CDKAL1: variants seen among roughly 807,000 people sequenced by gnomAD.
The protein encoded by CDKAL1 is CDKAL1 threonylcarbamoyladenosine tRNA methylthiotransferase, also known as threonylcarbamoyladenosine tRNA methylthiotransferase.
Under a neutral mutation model 68.2 loss-of-function variants are expected in CDKAL1, and 32 were observed. The observed-to-expected ratio is 0.47, with a 90% CI of 0.35 to 0.63. CDKAL1 has a LOEUF of 0.63. Ranked by LOEUF, CDKAL1 falls within the 30% of genes least tolerant of loss-of-function variation. The probability of loss-of-function intolerance (pLI) is 0.00; values close to 1 mark genes in which losing one functional copy is unlikely to be tolerated. For synonymous variants in CDKAL1, 234 were observed against 244.3 expected (o/e 0.96, Z 0.39); for missense variants, 606 against 696.7 (o/e 0.87, Z 1.47).
chr6:21,205,540 G>GT lies in CDKAL1; in HGVS notation c.1548+4274dup, dbSNP rs145221533. On this transcript the variant is annotated intron_variant, in intron 15 of 15. Coordinates refer to ENST00000274695, the MANE Select transcript of CDKAL1 (RefSeq NM_017774.3). ...GCATGGGTCAAGCCTGTTTTGTTTT[G>GT]TTTTTTTTGAGACAGAGTCTCGCCC... 3.1e-3 allele frequency among the ~76,000 whole-genome samples: 465 copies of GT among 151,262 alleles called. 4 individuals are homozygous for GT. Among genetic ancestry groups the GT allele is most frequent in the African/African-American group, 0.01 (428 of 41,140 alleles).
intron 4 of CDKAL1, among the ~76,000 whole-genome samples, chr6:20,627,429 C>A (rs2127738645): frequency 1.3e-5 from 2 of 152,216 alleles, no homozygotes; most frequent in East Asian, 3.9e-4. Context: ...AAACAATCTG[C>A]TATACTTATT....
chr6:20,909,360 G>A (rs1365571120), intron 9 of CDKAL1, among the ~76,000 whole-genome samples: 6 of 152,102 alleles, frequency 3.9e-5, no homozygotes, highest in African/African-American at 1.4e-4. Context: ...GGGTCAGACC[G>A]TCCAAAGAAT....
rs1392532470 is a variant in CDKAL1, at chr6:20,539,474, A to G, written c.-6+4080A>G. On this transcript the variant is annotated intron_variant, in intron 2 of 15. Transcript: ENST00000274695. The surrounding 1 kb of genome is among the most constrained non-coding windows in gnomAD (Gnocchi z 4.3). ...GTTTAAAAAAAGGCAGGAAAGGGGC[A>G]TAGGAAGAGGGTGTGTGGTGAGGTG... is the stretch of plus-strand genomic sequence containing the variant. 6.6e-6 allele frequency among the ~76,000 whole-genome samples: 1 copy of G among 152,210 alleles called. No individual in the cohort carries two copies. The highest frequency in any genetic ancestry group is 2.4e-5 in the African/African-American group (1 of 41,464).
At chr6:21,016,672 CTT>C (rs1482687833) in intron 11 of CDKAL1, among the ~76,000 whole-genome samples, 1 of 150,960 alleles carries the variant, frequency 6.6e-6, no homozygotes, top group Non-Finnish European at 1.5e-5. Flanking sequence ...ATCCATCCAT[CTT>C]ACTTCAGTGT....
At chr6:20,900,922 G>C (rs1239149607) in intron 9 of CDKAL1, among the ~76,000 whole-genome samples, 2 of 152,138 alleles carry the variant, frequency 1.3e-5, no homozygotes, top group Non-Finnish European at 2.9e-5. Context: ...TTATCCTTTA[G>C]TTATTGCATA....
chr6:20,750,774 G>T (rs933442524), intron 6 of CDKAL1, among the ~76,000 whole-genome samples: 1 of 151,830 alleles, frequency 6.6e-6, no homozygotes, highest in Admixed American at 6.6e-5. Context: ...GATCAGTCTG[G>T]CCAACATGGT....
chr6:20,617,419 A>T (rs560930417), intron 4 of CDKAL1, among the ~76,000 whole-genome samples: 1 of 151,844 alleles, frequency 6.6e-6, no homozygotes, highest in South Asian at 2.1e-4. Context: ...GCTTAAAACT[A>T]TTTTTTTTTA....
intron 4 of CDKAL1, among the ~76,000 whole-genome samples, chr6:20,552,685 A>G (rs1379651088): frequency 1.3e-5 from 2 of 150,292 alleles, no homozygotes; most frequent in Non-Finnish European, 3.0e-5. Context: ...ATTTGTATTA[A>G]TTTTATAAAC....
chr6:21,070,784 T>C (rs968371937), intron 12 of CDKAL1, among the ~76,000 whole-genome samples: 3 of 152,248 alleles, frequency 2.0e-5, no homozygotes, highest in Non-Finnish European at 4.4e-5. Context: ...ATTTCCTCTT[T>C]ATCTGTTTCC....
In CDKAL1 at chr6:21,197,726, TTTAA is replaced by T. The variant is rs1778529072; in HGVS notation, c.1300-291_1300-288del. Among the ~76,000 whole-genome samples, 3 of 152,238 alleles carry T rather than the reference TTTAA, an allele frequency of 2.0e-5. No individual in the cohort carries two copies. The South Asian group carries it at 6.2e-4, about 31-fold the overall frequency. The stretch of plus-strand genomic sequence containing the variant: ...GAAGATTTTTGTATGTCATAGAAGC[TTTAA>T]TTATCTTACTTATGTTGAAGGAGAT... On this transcript the variant is annotated intron_variant, in intron 13 of 15. Transcript: ENST00000274695.
intron 10 of CDKAL1, among the ~76,000 whole-genome samples, chr6:20,982,151 C>T (rs952127106): frequency 6.6e-6 from 1 of 151,890 alleles, no homozygotes; most frequent in African/African-American, 2.4e-5. Context: ...ATTGCAACCT[C>T]CACCTCCCGG....
At chr6:20,695,907 C>A (rs1771084215) in intron 5 of CDKAL1, among the ~76,000 whole-genome samples, 1 of 152,178 alleles carries the variant, frequency 6.6e-6, no homozygotes, top group South Asian at 2.1e-4. Context: ...CAAACTAAAA[C>A]TCTGTACCCA....
rs1416791948 is a variant in CDKAL1, at chr6:21,070,796, A to C, written c.1236+5568A>C. The stretch of plus-strand genomic sequence containing the variant: ...GATATTTCCTCTTTATCTGTTTCCT[A>C]TTTCCTTGGTATTCGTAACTGTCCC... On this transcript the variant is annotated intron_variant, in intron 12 of 15. Coordinates refer to ENST00000274695, the MANE Select transcript of CDKAL1 (RefSeq NM_017774.3). Among the ~76,000 whole-genome samples, 4 of 151,562 alleles carry C rather than the reference A, an allele frequency of 2.6e-5. No homozygotes were observed. In the East Asian group the frequency reaches 7.8e-4, roughly 29 times the overall value.
intron 12 of CDKAL1, among the ~76,000 whole-genome samples, chr6:21,068,176 C>T (rs1771564497): frequency 6.6e-6 from 1 of 152,056 alleles, no homozygotes; most frequent in South Asian, 2.1e-4. Context: ...TACCTTTTCT[C>T]TTCATGGTGC....
At chr6:20,583,746 A>C (rs925699669) in intron 4 of CDKAL1, among the ~76,000 whole-genome samples, 4 of 151,348 alleles carry the variant, frequency 2.6e-5, no homozygotes, top group African/African-American at 7.3e-5. Context: ...GATGTATTGC[A>C]TTATCTTATC....
chr6:21,050,044 A>C (rs890648481), intron 11 of CDKAL1, among the ~76,000 whole-genome samples: 41 of 152,298 alleles, frequency 2.7e-4, no homozygotes, highest in South Asian at 6.2e-4. Flanking sequence ...TACTTTAAAA[A>C]GGTAAAATTG....
intron 9 of CDKAL1, among the ~76,000 whole-genome samples, chr6:20,864,045 G>A (rs564264924): frequency 6.6e-6 from 1 of 152,120 alleles, no homozygotes; most frequent in Non-Finnish European, 1.5e-5. Context: ...TTGGCACGAT[G>A]TTAACTGGAG....
intron 5 of CDKAL1, among the ~76,000 whole-genome samples, chr6:20,662,459 T>C (rs918667746): frequency 1.3e-5 from 2 of 152,154 alleles, no homozygotes; most frequent in African/African-American, 2.4e-5. Context: ...CATATTTTAC[T>C]GTTTTTGTAG....
In CDKAL1 at chr6:21,018,781, G is replaced by T. The variant is rs1029161124; in HGVS notation, c.1055+18409G>T. Among the ~76,000 whole-genome samples the T allele has an allele frequency of 2.6e-5, 4 of 152,182 alleles. No homozygotes were observed. The East Asian group carries it at 5.8e-4, about 22-fold the overall frequency. ...GATTTTTTTGTTGTAGTGTTTTTCT[G>T]TGTGAAGGTAGCTTGTGACTCTTTT... On this transcript the variant is annotated intron_variant, in intron 11 of 15. Coordinates refer to ENST00000274695, the MANE Select transcript of CDKAL1 (RefSeq NM_017774.3).
Sources: gnomAD v4.1 joint callset for allele counts (sites outside exome capture counted in the v4.1 genomes callset) on GRCh38, gnomAD v4.1.1 for gene constraint, Gnocchi (gnomAD v3.1) non-coding constraint, MANE v1.5 for transcripts, NCBI Gene and HGNC (gene_info 2026-07-23, HGNC 2026-07-21) for gene names.